ICAM1: variants seen among roughly 807,000 people sequenced by gnomAD.
ICAM1 encodes intercellular adhesion molecule 1, also known as ICAM-1.
ICAM1 carries 28 observed loss-of-function variants against 42.3 expected under a neutral mutation model. That is an observed-to-expected ratio of 0.66 (90% confidence interval 0.49 to 0.91). The LOEUF (loss-of-function observed/expected upper bound fraction) is 0.91. ICAM1 is among the 40% of genes least tolerant of loss of function. The pLI, the probability that ICAM1 is intolerant of heterozygous loss-of-function variation, is 0.00. For missense variants in ICAM1, 637 were observed against 688.6 expected, an observed-to-expected ratio of 0.93 and a Z score of 0.84; for synonymous variants, 304 against 305.9, an observed-to-expected ratio of 0.99 and a Z score of 0.07.
intron 2 of ICAM1, among the ~76,000 whole-genome samples, chr19:10,279,197 G>T (rs1014685406): frequency 2.0e-5 from 3 of 152,074 alleles, no homozygotes; most frequent in African/African-American, 7.2e-5. Flanking sequence ...GAACAGCCTG[G>T]GCAAAAGTTG....
rs2145489470 is a variant in ICAM1 at position 10,274,808 on chromosome 19, C to T, written c.111C>T (p.Ile37=). The T allele has an allele frequency of 6.2e-7, 1 of 1,614,186 alleles. No individual in the cohort carries two copies. Among genetic ancestry groups the T allele is most frequent in the East Asian group, 2.2e-5 (1 of 44,884 alleles). ...AQTSVSPSKV[I]LPRGGSVLVT... is the part of the protein sequence containing the mutation. ...CATCTGTGTCCCCCTCAAAAGTCAT[C>T]CTGCCCCGGGGAGGCTCCGTGCTGG... Residue 37 remains isoleucine (I), a synonymous_variant, in exon 2 of 7, where the codon ATC becomes ATT. Transcript: ENST00000264832.
chr19:10,285,551 G>A lies in ICAM1; in HGVS notation c.*264G>A, dbSNP rs2040097780. ...AAGACTCAAGACATGATTGATGGAT[G>A]TTAAAGTCTAGCCTGATGAGAGGGG... On this transcript the variant is annotated 3_prime_UTR_variant, in exon 7 of 7. Transcript: ENST00000264832. 2.2e-6 allele frequency: 1 copy of A among 462,120 alleles called. No individual in the cohort carries two copies. The highest frequency in any genetic ancestry group is 3.9e-6 in the Non-Finnish European group (1 of 257,298). The allele number at this position is 462,120 out of a possible 1,614,324, so 28.6% of individuals were successfully genotyped here. A position where few individuals can be genotyped will look rare whatever the true frequency, so the allele number is the denominator to read the frequency against.
At position 10,275,025 on chromosome 19, in the gene ICAM1, T is replaced by C. The variant is rs2040006960; in HGVS notation, c.328T>C (p.Tyr110His). 1 of 1,613,414 alleles carries C rather than the reference T, an allele frequency of 6.2e-7. No homozygotes were observed. Among genetic ancestry groups the C allele is most frequent in the Non-Finnish European group, 8.5e-7 (1 of 1,179,956 alleles). Residue 110 changes from tyrosine to histidine, a missense_variant, in exon 2 of 7, where the codon TAC becomes CAC. Coordinates refer to ENST00000264832, the MANE Select transcript of ICAM1 (RefSeq NM_000201.3). ...QSTAKTFLTV[Y>H]WTPERVELAP... ...AACAGCTAAAACCTTCCTCACCGTG[T>C]ACTGTGAGTAACTGAGCCCGGAGGG... is the stretch of plus-strand genomic sequence containing the variant.
At position 10,284,306 on chromosome 19, in the gene ICAM1, C is replaced by T; in HGVS notation, c.911C>T (p.Thr304Ile). 4 of 1,613,596 alleles carry T rather than the reference C, an allele frequency of 2.5e-6. No homozygotes were observed. The highest frequency in any genetic ancestry group is 3.4e-6 in the Non-Finnish European group (4 of 1,180,008). The change falls in exon 4 of 7, where the codon ACA becomes ATA. Residue 304 changes from threonine (T) to isoleucine (I), a missense_variant. Physicochemically the swap from Thr to Ile is moderately conservative, Grantham distance 89. Coordinates refer to ENST00000264832, the MANE Select transcript of ICAM1 (RefSeq NM_000201.3). This position sits in a 1 kb window ranked among gnomAD's most constrained non-coding sequence, Gnocchi z 5.4. ...AACCAGAGCCAGGAGACACTGCAGA[C>T]AGTGACCATCTACAGTAAGAAGGGG... ...LGNQSQETLQ[T>I]VTIYSFPAPN...
rs371582609 is a variant in ICAM1, at chr19:10,274,222, G to C, written c.68-543G>C. Among the ~76,000 whole-genome samples, 48 of 151,604 alleles carry C rather than the reference G, an allele frequency of 3.2e-4. 1 individual carries two copies. The East Asian group carries it at 4.1e-3, about 13-fold the overall frequency. On this transcript the variant is annotated intron_variant, in intron 1 of 6. Coordinates refer to ENST00000264832, the MANE Select transcript of ICAM1 (RefSeq NM_000201.3). ...TAGATCTCTGCTGAAACATTACCCT[G>C]TCACCAAAGCACTGTCTATTCTATC...
intron 2 of ICAM1, among the ~76,000 whole-genome samples, chr19:10,281,711 G>A (rs5030397): frequency 1.0e-4 from 15 of 143,528 alleles, no homozygotes; most frequent in Admixed American, 4.4e-4. Context: ...GGACCCCCCC[G>A]GTCCTGATGC....
rs150480007 is a variant in ICAM1 at position 10,283,492 on chromosome 19, C to T, written c.343C>T (p.Arg115Trp). 1.2e-4 allele frequency: 187 copies of T among 1,564,598 alleles called. No individual in the cohort carries two copies. In the African/African-American group the frequency reaches 1.7e-3, roughly 14 times the overall value. The change falls in exon 3 of 7, where the codon CGG (arginine) becomes TGG (tryptophan). Residue 115 changes from arginine to tryptophan, a missense_variant. Arg to Trp is a moderately radical substitution (Grantham distance 101, BLOSUM62 -3). Transcript: ENST00000264832. ...CTGTTTTCCTGCAGGGACTCCAGAA[C>T]GGGTGGAACTGGCACCCCTCCCCTC... The part of the protein sequence containing the change: ...TFLTVYWTPE[R>W]VELAPLPSWQ...
At chr19:10,282,276 C>G (rs2040065968) in intron 2 of ICAM1, 2 of 152,242 alleles carry the variant, frequency 1.3e-5, no homozygotes, top group Non-Finnish European at 1.5e-5. Context: ...GAGATGGAGT[C>G]TCGCTCTGTC....
chr19:10,281,861 C>G (rs2040061997), intron 2 of ICAM1, among the ~76,000 whole-genome samples: 1 of 151,852 alleles, frequency 6.6e-6, no homozygotes, highest in Non-Finnish European at 1.5e-5. Flanking sequence ...AAACCTCAGC[C>G]TCTCAAGTAG....
chr19:10,278,942 C>T (rs2040036377), intron 2 of ICAM1, among the ~76,000 whole-genome samples: 1 of 152,112 alleles, frequency 6.6e-6, no homozygotes, highest in South Asian at 2.1e-4. Context: ...TTAGTTTTTA[C>T]CTCTGTGAAA....
At chr19:10,276,975 C>CA (rs536596915) in intron 2 of ICAM1, among the ~76,000 whole-genome samples, 19,486 of 79,024 alleles carry the variant, frequency 0.25, 1,887 homozygotes, top group Middle Eastern at 0.38. Context: ...AACTCCATCT[C>CA]AAAAAAAAAA....
In ICAM1 at chr19:10,284,211, C is replaced by A. The variant is rs896048798; in HGVS notation, c.816C>A (p.Ala272=). 2 of 1,614,042 alleles carry A rather than the reference C, an allele frequency of 1.2e-6. No homozygotes were observed. Among genetic ancestry groups the A allele is most frequent in the Non-Finnish European group, 1.7e-6 (2 of 1,180,032 alleles). The part of the protein sequence containing the change: ...TVTYGNDSFS[A]KASVSVTAED... ...CCTATGGCAACGACTCCTTCTCGGCCAAGGCCTCAGTCAGTGTGACCGCAG... is the reference window on the plus strand; with the variant it reads ...CCTATGGCAACGACTCCTTCTCGGCAAAGGCCTCAGTCAGTGTGACCGCAG... Residue 272 remains alanine (A), a synonymous_variant, in exon 4 of 7, where the codon GCC becomes GCA. Coordinates refer to ENST00000264832, the MANE Select transcript of ICAM1 (RefSeq NM_000201.3). This position sits in a 1 kb window ranked among gnomAD's most constrained non-coding sequence, Gnocchi z 5.4.
intron 2 of ICAM1, among the ~76,000 whole-genome samples, chr19:10,280,105 C>T (rs1215767213): frequency 1.3e-5 from 2 of 152,162 alleles, no homozygotes; most frequent in Non-Finnish European, 1.5e-5. Flanking sequence ...AAGGGAAGGA[C>T]AGACAAGTAT....
At chr19:10,271,624 A>G (rs901663900) in intron 1 of ICAM1, among the ~76,000 whole-genome samples, 2 of 152,152 alleles carry the variant, frequency 1.3e-5, no homozygotes, top group Non-Finnish European at 2.9e-5. Flanking sequence ...GGGAAACGTT[A>G]TAGCGGCCAC....
At chr19:10,277,324 G>A (rs540174317) in intron 2 of ICAM1, among the ~76,000 whole-genome samples, 9 of 152,138 alleles carry the variant, frequency 5.9e-5, no homozygotes, top group African/African-American at 2.2e-4. Context: ...GGGATTACAG[G>A]CATGGGCCAC....
chr19:10,285,501 C>T lies in ICAM1; in HGVS notation c.*214C>T. On this transcript the variant is annotated 3_prime_UTR_variant, in exon 7 of 7. Transcript: ENST00000264832. Reference sequence around the variant, plus strand: ...AGGCCACGCATCTGATCTGTAGTCACATGACTAAGCCAAGAGGAAGGAGCA... The same window carrying T: ...AGGCCACGCATCTGATCTGTAGTCATATGACTAAGCCAAGAGGAAGGAGCA... The T allele has an allele frequency of 3.5e-6, 2 of 563,478 alleles. No individual in the cohort carries two copies. Among genetic ancestry groups the T allele is most frequent in the South Asian group, 4.5e-5 (2 of 44,360 alleles). The allele number at this position is 563,478 out of a possible 1,614,324, so 34.9% of individuals were successfully genotyped here.
chr19:10,278,144 C>T (rs1266102605), intron 2 of ICAM1, among the ~76,000 whole-genome samples: 1 of 152,122 alleles, frequency 6.6e-6, no homozygotes, highest in Non-Finnish European at 1.5e-5. Context: ...CTGTAGTGAG[C>T]CGTGATGACA....
At chr19:10,281,248 C>A (rs2040055975) in intron 2 of ICAM1, among the ~76,000 whole-genome samples, 2 of 151,808 alleles carry the variant, frequency 1.3e-5, no homozygotes, top group Non-Finnish European at 2.9e-5. Flanking sequence ...GGATTACAGG[C>A]ATAAGCCACC....
In ICAM1 at chr19:10,279,759, T is replaced by C. The variant is rs182370059; in HGVS notation, c.332-3722T>C. ...TCAGTTTCCCAAAGTGCTGGGATTA[T>C]AGGTGTGAGCCACTGAGCCTGGTCA... On this transcript the variant is annotated intron_variant, in intron 2 of 6. Coordinates refer to ENST00000264832, the MANE Select transcript of ICAM1 (RefSeq NM_000201.3). 4.5e-4 allele frequency among the ~76,000 whole-genome samples: 68 copies of C among 151,964 alleles called. 1 individual carries two copies. Among genetic ancestry groups the C allele is most frequent in the Admixed American group, 4.6e-4 (7 of 15,240 alleles).
Sources: gnomAD v4.1 joint callset for allele counts (sites outside exome capture counted in the v4.1 genomes callset) on GRCh38, gnomAD v4.1.1 for gene constraint, Gnocchi (gnomAD v3.1) non-coding constraint, MANE v1.5 for transcripts, NCBI Gene and HGNC (gene_info 2026-07-23, HGNC 2026-07-21) for gene names.